The following PHKB variants were observed in gnomAD, a reference collection of about 807,000 sequenced individuals.
The protein encoded by PHKB is phosphorylase b kinase regulatory subunit beta.
Under a neutral mutation model 152.1 loss-of-function variants are expected in PHKB, and 122 were observed. That is an observed-to-expected ratio of 0.80 (90% CI 0.69 to 0.93). The LOEUF is 0.93. PHKB is among the 40% of genes least tolerant of loss of function. The pLI, the probability that PHKB is intolerant of heterozygous loss-of-function variation, is 0.00. For synonymous variants in PHKB, 436 were observed against 464.9 expected, an observed-to-expected ratio of 0.94 and a Z score of 0.80; for missense variants, 1,304 against 1,328.4, an observed-to-expected ratio of 0.98 and a Z score of 0.29.
intron 22 of PHKB, 139 bp downstream of exon 22, chr16:47,660,958 G>T: frequency 2.4e-6 from 2 of 824,730 alleles, no homozygotes; most frequent in Non-Finnish European, 4.2e-6. Context: ...TACTCCCAGG[G>T]CAATCATGAG....
intron 26 of PHKB, among the ~76,000 whole-genome samples, chr16:47,675,286 G>T (rs553951193): frequency 8.5e-5 from 13 of 152,100 alleles, no homozygotes; most frequent in Non-Finnish European, 1.8e-4. Context: ...GCCTGCTTTG[G>T]TGTCCTCGTT....
chr16:47,477,322 C>A (rs192395956), intron 1 of PHKB, among the ~76,000 whole-genome samples: 380 of 152,186 alleles, frequency 2.5e-3, no homozygotes, highest in African/African-American at 8.4e-3. Context: ...CTTTGTATAG[C>A]CCCTGATACA....
chr16:47,524,756 C>A (rs754774258), intron 6 of PHKB, among the ~76,000 whole-genome samples: 1 of 152,172 alleles, frequency 6.6e-6, no homozygotes, highest in African/African-American at 2.4e-5. Context: ...CGTTAGTATT[C>A]ATTTGTGTTT....
At chr16:47,686,342 C>A (rs918039341) in intron 26 of PHKB, among the ~76,000 whole-genome samples, 1 of 152,232 alleles carries the variant, frequency 6.6e-6, no homozygotes, top group East Asian at 1.9e-4. Flanking sequence ...TTAGAAGATA[C>A]CTCCTGAAGT....
intron 1 of PHKB, among the ~76,000 whole-genome samples, chr16:47,490,313 G>C (rs1178277470): frequency 6.6e-6 from 1 of 152,200 alleles, no homozygotes; most frequent in Non-Finnish European, 1.5e-5. Flanking sequence ...TCTGTGAATA[G>C]AAATGTCCAG....
chr16:47,591,427 T>C (rs975296051), intron 10 of PHKB, among the ~76,000 whole-genome samples: 1 of 152,178 alleles, frequency 6.6e-6, no homozygotes, highest in Non-Finnish European at 1.5e-5. Context: ...AGTGGATGCT[T>C]TTCTGATCTC....
Position 47,587,678 on chromosome 16 carries a change from G to A in PHKB, c.785G>A (p.Trp262Ter), listed in dbSNP as rs1277579547. ...FNLFGNQGCS[W>*]SVIFVDLDAH... ...TTTTTCTCTGTCCAGGGCTGTTCGT[G>A]GTCAGTTATATTTGTGGATCTCGAT... Residue 262 changes from tryptophan to a stop codon, truncating the protein, a stop_gained, in exon 9 of 31, where the codon TGG becomes TAG. Transcript: ENST00000323584. LOFTEE classifies it high-confidence loss of function. 2 of 1,611,980 alleles carry A rather than the reference G, an allele frequency of 1.2e-6. No individual in the cohort carries two copies. The highest frequency in any genetic ancestry group is 1.3e-5 in the African/African-American group (1 of 74,796).
chr16:47,658,323 A>G (rs1183223812), intron 20 of PHKB, among the ~76,000 whole-genome samples: 1 of 152,126 alleles, frequency 6.6e-6, no homozygotes, highest in East Asian at 1.9e-4. Flanking sequence ...TTACTTTATT[A>G]GAGAAATCCT....
chr16:47,681,236 T>C (rs1973848502), intron 26 of PHKB, among the ~76,000 whole-genome samples: 1 of 151,874 alleles, frequency 6.6e-6, no homozygotes, highest in Admixed American at 6.6e-5. Flanking sequence ...TTGAAAAAAA[T>C]GTATATTCTG....
chr16:47,552,698 A>G (rs1971293591), intron 7 of PHKB, among the ~76,000 whole-genome samples: 1 of 151,978 alleles, frequency 6.6e-6, no homozygotes, highest in South Asian at 2.1e-4. Flanking sequence ...AATCCCAGCA[A>G]TTCGGGAGGC....
chr16:47,516,734 T>C (rs1006905707), intron 6 of PHKB, among the ~76,000 whole-genome samples: 1 of 152,194 alleles, frequency 6.6e-6, no homozygotes, highest in African/African-American at 2.4e-5. Context: ...GAGTTTATAG[T>C]CTCATACAAT....
At chr16:47,608,754 T>A (rs1972372842) in intron 13 of PHKB, among the ~76,000 whole-genome samples, 1 of 152,228 alleles carries the variant, frequency 6.6e-6, no homozygotes, top group African/African-American at 2.4e-5. Flanking sequence ...TTTGGCACCC[T>A]GTCAAAAATC....
rs576458405 is a variant in PHKB at position 47,586,266 on chromosome 16, G to A, written c.775-1402G>A. On this transcript the variant is annotated intron_variant, in intron 8 of 30. Transcript: ENST00000323584. Reference sequence around the variant, plus strand: ...CTGGGTCAGCTTCTTGAGAGCACAGGTCAAATTTGATCTTGTCTGTTTTCC... The same window carrying A: ...CTGGGTCAGCTTCTTGAGAGCACAGATCAAATTTGATCTTGTCTGTTTTCC... 1.6e-3 allele frequency among the ~76,000 whole-genome samples: 248 copies of A among 152,244 alleles called. 2 individuals carry two copies. Among genetic ancestry groups the A allele is most frequent in the Non-Finnish European group, 2.7e-3 (185 of 68,026 alleles).
intron 26 of PHKB, among the ~76,000 whole-genome samples, chr16:47,683,205 G>T (rs1444893391): frequency 1.3e-5 from 2 of 152,206 alleles, no homozygotes; most frequent in Non-Finnish European, 2.9e-5. Context: ...AGGCTGCTCG[G>T]GGGTCAAGGA....
At chr16:47,512,904 T>G (rs1006235548) in intron 5 of PHKB, among the ~76,000 whole-genome samples, 16 of 152,246 alleles carry the variant, frequency 1.1e-4, no homozygotes, top group Admixed American at 2.6e-4. Flanking sequence ...CTTTAGTATG[T>G]CTTCTCTAAA....
In PHKB at chr16:47,689,103, A is replaced by G. The variant is rs749150991; in HGVS notation, c.2693A>G (p.Asp898Gly). ...CGTGGCGGAGACAAGCCAGCCTTGG[A>G]CTTGTATCAGCTGTCACCTAGTGAA... is the stretch of plus-strand genomic sequence containing the variant. ...QIRGGDKPAL[D>G]LYQLSPSEVK... Residue 898 changes from aspartate (D) to glycine (G), a missense_variant, in exon 27 of 31, where the codon GAC becomes GGC. Coordinates refer to ENST00000323584, the MANE Select transcript of PHKB (RefSeq NM_000293.3). 1 of 1,613,950 alleles carries G rather than the reference A, an allele frequency of 6.2e-7. No individual in the cohort carries two copies. Among genetic ancestry groups the G allele is most frequent in the Non-Finnish European group, 8.5e-7 (1 of 1,179,822 alleles).
rs1974239485 is a variant in PHKB at position 47,701,054 on chromosome 16, A to C, written c.*1688A>C. 1 of 152,226 alleles carries C rather than the reference A, an allele frequency of 6.6e-6. No homozygotes were observed. Among genetic ancestry groups the C allele is most frequent in the South Asian group, 2.1e-4 (1 of 4,830 alleles). 9.4% of individuals were successfully genotyped at this position (152,226 alleles called of 1,614,324 possible). A position where few individuals can be genotyped will look rare whatever the true frequency, so the allele number is the denominator to read the frequency against. ...AAACTACTTGACTCAATATGTTAAGAGAGTTTATGAAAAGATAGTCGTGAA... is the reference window on the plus strand; with the variant it reads ...AAACTACTTGACTCAATATGTTAAGCGAGTTTATGAAAAGATAGTCGTGAA... On this transcript the variant is annotated 3_prime_UTR_variant, in exon 31 of 31. Transcript: ENST00000323584.
intron 7 of PHKB, among the ~76,000 whole-genome samples, chr16:47,554,124 A>G (rs537948270): frequency 2.0e-5 from 3 of 152,180 alleles, no homozygotes; most frequent in Non-Finnish European, 4.4e-5. Context: ...CTGCGCCCAC[A>G]GCTGCCCCTT....
intron 6 of PHKB, among the ~76,000 whole-genome samples, chr16:47,547,038 A>G (rs907200728): frequency 6.6e-6 from 1 of 152,138 alleles, no homozygotes; most frequent in African/African-American, 2.4e-5. Flanking sequence ...GGAAAGGGAA[A>G]TTCCCTGACC....
Sources: allele counts gnomAD v4.1 joint callset (sites outside exome capture counted in the v4.1 genomes callset), GRCh38; gene constraint gnomAD v4.1.1; transcripts MANE v1.5; gene names NCBI Gene and HGNC (gene_info 2026-07-23, HGNC 2026-07-21).